Variants in POFUT3 observed in about 807,000 individuals in gnomAD.
The protein encoded by POFUT3 is GDP-fucose protein O-fucosyltransferase 3.
chr8:33,460,739 C>T, the POFUT3 span: 1 of 985,214 alleles, frequency 1.0e-6, no homozygotes, highest in Admixed American at 6.2e-5. Flanking sequence ...TTGTTTCTGC[C>T]TGACACGTCC....
At chr8:33,416,768 C>A in the POFUT3 span, among the ~76,000 whole-genome samples, 2 of 150,830 alleles carry the variant, frequency 1.3e-5, no homozygotes, top group Non-Finnish European at 2.9e-5. Flanking sequence ...ATCGCTTGAA[C>A]CCAGGAGGCA....
At chr8:33,415,905 C>G in the POFUT3 span, among the ~76,000 whole-genome samples, 1 of 152,184 alleles carries the variant, frequency 6.6e-6, no homozygotes, top group Non-Finnish European at 1.5e-5. Flanking sequence ...GCTTCTCTCC[C>G]TCAGAACTCC....
the POFUT3 span, among the ~76,000 whole-genome samples, chr8:33,456,783 T>G: frequency 3.3e-5 from 5 of 150,232 alleles, no homozygotes; most frequent in African/African-American, 1.2e-4. Flanking sequence ...TTTTTTTTTT[T>G]TTTTGAGACA....
chr8:33,318,066 G>C, the POFUT3 span, among the ~76,000 whole-genome samples: 1 of 152,124 alleles, frequency 6.6e-6, no homozygotes, highest in Non-Finnish European at 1.5e-5. Flanking sequence ...GTGTCAGACA[G>C]GTGAGAGAGT....
chr8:33,334,689 G>A, the POFUT3 span, among the ~76,000 whole-genome samples: 6 of 152,294 alleles, frequency 3.9e-5, no homozygotes. Flanking sequence ...GGGCTTTCTG[G>A]ACATAAACAT....
At chr8:33,324,062 A>T in the POFUT3 span, among the ~76,000 whole-genome samples, 2 of 152,148 alleles carry the variant, frequency 1.3e-5, no homozygotes, top group African/African-American at 4.8e-5. Context: ...GTGGAGGCTG[A>T]TGGAAGCTTT....
At chr8:33,361,422 T>C in the POFUT3 span, 1 of 152,364 alleles carries the variant, frequency 6.6e-6, no homozygotes, top group Non-Finnish European at 1.5e-5. Context: ...ATATAGCCCA[T>C]TTAATATACT....
At chr8:33,393,445 C>T in the POFUT3 span, among the ~76,000 whole-genome samples, 5 of 152,264 alleles carry the variant, frequency 3.3e-5, no homozygotes, top group South Asian at 2.1e-4. Flanking sequence ...TGGAATAAAA[C>T]GAATGCTGGC....
At chr8:33,433,530 T>A in the POFUT3 span, among the ~76,000 whole-genome samples, 1 of 151,396 alleles carries the variant, frequency 6.6e-6, no homozygotes, top group Non-Finnish European at 1.5e-5. Context: ...GAGAATGGCA[T>A]GAACCAGAGA....
chr8:33,333,743 G>A, the POFUT3 span, among the ~76,000 whole-genome samples: 2 of 152,140 alleles, frequency 1.3e-5, no homozygotes, highest in African/African-American at 4.8e-5. Context: ...GACCCGGGGA[G>A]CCCTTGCAAA....
At chr8:33,320,002 G>A in the POFUT3 span, among the ~76,000 whole-genome samples, 1 of 151,282 alleles carries the variant, frequency 6.6e-6, no homozygotes, top group Admixed American at 6.7e-5. Flanking sequence ...CACTGGAATA[G>A]ACTATACCAT....
At chr8:33,414,899 A>G in the POFUT3 span, among the ~76,000 whole-genome samples, 1 of 151,694 alleles carries the variant, frequency 6.6e-6, no homozygotes, top group Non-Finnish European at 1.5e-5. Context: ...TCATTCTTCA[A>G]TATGCGAGCT....
At chr8:33,430,898 G>A in the POFUT3 span, among the ~76,000 whole-genome samples, 3 of 151,978 alleles carry the variant, frequency 2.0e-5, no homozygotes, top group South Asian at 2.1e-4. Flanking sequence ...GTGAGCCACC[G>A]CACCTGGCCA....
At chr8:33,379,867 T>C in the POFUT3 span, among the ~76,000 whole-genome samples, 1 of 125,308 alleles carries the variant, frequency 8.0e-6, no homozygotes, top group South Asian at 2.2e-4. Context: ...ATATATATAA[T>C]ATATATATAC....
the POFUT3 span, among the ~76,000 whole-genome samples, chr8:33,410,160 T>C: frequency 3.9e-5 from 6 of 151,926 alleles, no homozygotes; most frequent in East Asian, 9.7e-4. Flanking sequence ...TGTCCGAGAG[T>C]TGACTAGATC....
chr8:33,386,703 G>A, the POFUT3 span, among the ~76,000 whole-genome samples: 5 of 152,030 alleles, frequency 3.3e-5, no homozygotes, highest in Non-Finnish European at 7.4e-5. Flanking sequence ...CCAGCTACTC[G>A]GGAGGCTGAA....
At chr8:33,432,406 T>TC in the POFUT3 span, among the ~76,000 whole-genome samples, 1 of 136,194 alleles carries the variant, frequency 7.3e-6, no homozygotes, top group Non-Finnish European at 1.6e-5. Context: ...AGACTCTGTC[T>TC]CAAAAAAAAA....
the POFUT3 span, chr8:33,461,739 T>A: frequency 8.7e-7 from 1 of 1,153,806 alleles, no homozygotes. Flanking sequence ...CAACAAAAGA[T>A]CATCTTTTAG....
At chr8:33,388,947 C>T in the POFUT3 span, 8 of 1,606,032 alleles carry the variant, frequency 5.0e-6, no homozygotes, top group Admixed American at 3.3e-5. Context: ...TCTATGCCCA[C>T]CTTTGATTTG....
Sources: gnomAD v4.1 joint callset for allele counts (sites outside exome capture counted in the v4.1 genomes callset) on GRCh38, gnomAD v4.1.1 for gene constraint, MANE v1.5 for transcripts, NCBI Gene and HGNC (gene_info 2026-07-23, HGNC 2026-07-21) for gene names.